PANK2: variants seen among roughly 807,000 people sequenced by gnomAD.
The protein encoded by PANK2 is pantothenate kinase 2, also known as pantothenate kinase 2, mitochondrial.
In PANK2, 36 loss-of-function variants were observed where a neutral mutation model predicts 43.1. The ratio of observed to expected loss-of-function variants is 0.84; its 90% confidence interval spans 0.64 to 1.10. The LOEUF is 1.10. Ranked by LOEUF, PANK2 falls within the 50% of genes least tolerant of loss-of-function variation. PANK2 has a pLI of 0.00. For synonymous variants in PANK2, 281 were observed against 238.2 expected (o/e 1.18, Z -1.66); for missense variants, 576 against 593.3 (o/e 0.97, Z 0.30).
In PANK2 at chr20:3,925,360, C is replaced by T. The variant is rs189646888; in HGVS notation, c.*2066C>T. The T allele has an allele frequency of 1.3e-3, 191 of 152,494 alleles. No homozygotes were observed. The East Asian group carries it at 0.034, about 27-fold the overall frequency. The allele number at this position is 152,494 out of a possible 1,614,324, so 9.4% of individuals were successfully genotyped here. A position where few individuals can be genotyped will look rare whatever the true frequency, so the allele number is the denominator to read the frequency against. ...GCAATTCTCCTGCCTTAGCCTCCTG[C>T]GTAGCTGAGACTACAGGCATGTGCC... On this transcript the variant is annotated 3_prime_UTR_variant, in exon 7 of 7. Transcript: ENST00000610179.
At chr20:3,908,605 A>G (rs1227600087) in intron 2 of PANK2, 42 of 269,070 alleles carry the variant, frequency 1.6e-4, no homozygotes, top group African/African-American at 2.2e-5. Flanking sequence ...AATATAATTA[A>G]AATCATTTCA....
chr20:3,910,667 T>A lies in PANK2; in HGVS notation c.742T>A (p.Ser248Thr). The change falls in exon 3 of 7, where the codon TCA becomes ACA. Residue 248 changes from serine to threonine, a missense_variant. Transcript: ENST00000610179. Reference sequence around the variant, plus strand: ...TGACTCAGTCGGATTCAATGGACGGTCACAGTGCTATTACTTTGAAAACCC... The same window carrying A: ...TGACTCAGTCGGATTCAATGGACGGACACAGTGCTATTACTTTGAAAACCC... The A allele has an allele frequency of 6.2e-7, 1 of 1,614,192 alleles. No individual in the cohort carries two copies. Among genetic ancestry groups the A allele is most frequent in the Non-Finnish European group, 8.5e-7 (1 of 1,180,030 alleles).
At chr20:3,916,839 T>C in intron 4 of PANK2, 88 bp from the exon 5 acceptor site, 1 of 1,568,990 alleles carries the variant, frequency 6.4e-7, no homozygotes, top group Non-Finnish European at 8.7e-7. Flanking sequence ...CCCTAAAAGC[T>C]AATTTTATTT....
chr20:3,891,169 C>T (rs1899865193), intron 1 of PANK2: 1 of 152,206 alleles, frequency 6.6e-6, no homozygotes, highest in African/African-American at 2.4e-5. Flanking sequence ...CCTGCTTCAA[C>T]CTCCTGCATT....
intron 1 of PANK2, among the ~76,000 whole-genome samples, chr20:3,906,713 T>C (rs1430426361): frequency 6.6e-6 from 1 of 152,228 alleles, no homozygotes; most frequent in Non-Finnish European, 1.5e-5. Flanking sequence ...TATTGCACCA[T>C]TGTAAATTTG....
chr20:3,902,972 G>GACACACAC (rs11468265), intron 1 of PANK2, among the ~76,000 whole-genome samples: 272 of 141,428 alleles, frequency 1.9e-3, no homozygotes, highest in Middle Eastern at 0.01. Flanking sequence ...GATGTGTATA[G>GACACACAC]ACACACACAC....
intron 1 of PANK2, among the ~76,000 whole-genome samples, 187 bp from the exon 2 acceptor site, chr20:3,907,739 C>T (rs967753490): frequency 5.3e-5 from 8 of 151,866 alleles, no homozygotes; most frequent in East Asian, 3.9e-4. Flanking sequence ...TCGTCTTTGC[C>T]GTAGTATTTT....
At chr20:3,892,814 C>T (rs188343278) in intron 1 of PANK2, among the ~76,000 whole-genome samples, 1 of 152,020 alleles carries the variant, frequency 6.6e-6, no homozygotes, top group African/African-American at 2.4e-5. Flanking sequence ...TAGTCGTGTT[C>T]TGTCACGCGT....
chr20:3,896,556 A>T (rs1000915888), intron 1 of PANK2, among the ~76,000 whole-genome samples: 1 of 152,180 alleles, frequency 6.6e-6, no homozygotes, highest in Admixed American at 6.5e-5. Context: ...TGGAAAGAAC[A>T]AGACAGGATT....
At chr20:3,900,633 T>C (rs1441175515) in intron 1 of PANK2, among the ~76,000 whole-genome samples, 1 of 152,038 alleles carries the variant, frequency 6.6e-6, no homozygotes. Flanking sequence ...CATCAACATA[T>C]ACTTGAATTT....
intron 1 of PANK2, among the ~76,000 whole-genome samples, chr20:3,903,270 C>T (rs1320497428): frequency 6.6e-6 from 1 of 151,530 alleles, no homozygotes; most frequent in Admixed American, 6.6e-5. Flanking sequence ...GCTTCAGCCT[C>T]CCGAGTAGCT....
chr20:3,910,843 T>TA lies in PANK2; in HGVS notation c.905+17dup. On this transcript the variant is annotated intron_variant, in intron 3 of 6. Coordinates refer to ENST00000610179, the MANE Select transcript of PANK2 (RefSeq NM_001386393.1). Reference sequence around the variant, plus strand: ...TCACAGGTACTAGGTAAGTTGTATATAAAACTCACTGTTTATTCTTAGTAT... The same window carrying TA: ...TCACAGGTACTAGGTAAGTTGTATATAAAAACTCACTGTTTATTCTTAGTAT... The TA allele has an allele frequency of 3.1e-6, 5 of 1,613,968 alleles. No homozygotes were observed. The highest frequency in any genetic ancestry group is 4.2e-6 in the Non-Finnish European group (5 of 1,179,880).
At position 3,927,733 on chromosome 20, in the gene PANK2, G is replaced by A. The variant is rs2090745050; in HGVS notation, c.*4439G>A. On this transcript the variant is annotated 3_prime_UTR_variant, in exon 7 of 7. Coordinates refer to ENST00000610179, the MANE Select transcript of PANK2 (RefSeq NM_001386393.1). ...CCCGACCGGGGGCCTGGGAGGGAAG[G>A]GCAGATGGAGAGGAACGGTGTGCAG... The A allele has an allele frequency of 6.6e-6, 1 of 152,258 alleles. No homozygotes were observed. Among genetic ancestry groups the A allele is most frequent in the Non-Finnish European group, 1.5e-5 (1 of 68,082 alleles). 9.4% of individuals were successfully genotyped at this position (152,258 alleles called of 1,614,324 possible). A position where few individuals can be genotyped will look rare whatever the true frequency, so the allele number is the denominator to read the frequency against.
chr20:3,896,959 A>AT (rs1342490290), intron 1 of PANK2, among the ~76,000 whole-genome samples: 1 of 152,202 alleles, frequency 6.6e-6, no homozygotes, highest in African/African-American at 2.4e-5. Flanking sequence ...GGAGGCCCAG[A>AT]TTGGCAACTG....
At chr20:3,910,515 A>G in intron 2 of PANK2, 62 bp from the exon 3 acceptor site, 1 of 1,588,684 alleles carries the variant, frequency 6.3e-7, no homozygotes, top group Non-Finnish European at 8.6e-7. Flanking sequence ...TGCCTTATTG[A>G]ATGGAATTTT....
intron 6 of PANK2, 49 bp from the exon 7 acceptor site, chr20:3,923,195 G>A: frequency 6.3e-7 from 1 of 1,594,982 alleles, no homozygotes; most frequent in Non-Finnish European, 8.6e-7. Context: ...AAGGTGATTT[G>A]AATAAGTCTA....
rs191456158 is a variant in PANK2, at chr20:3,911,082, T to C, written c.905+252T>C. On this transcript the variant is annotated intron_variant, in intron 3 of 6. Coordinates refer to ENST00000610179, the MANE Select transcript of PANK2 (RefSeq NM_001386393.1). The stretch of plus-strand genomic sequence containing the variant: ...ACTCATTGTAGCCTTTGCCCTCAGA[T>C]AGTTTATGGTGTGCATACACAAAGT... Among the ~76,000 whole-genome samples, 6 of 152,318 alleles carry C rather than the reference T, an allele frequency of 3.9e-5. No homozygotes were observed. The highest frequency in any genetic ancestry group is 2.6e-4 in the Admixed American group (4 of 15,290).
At chr20:3,913,800 T>A (rs867331422) in intron 4 of PANK2, among the ~76,000 whole-genome samples, 4,692 of 139,282 alleles carry the variant, frequency 0.034, 263 homozygotes, top group African/African-American at 0.12. Context: ...ATTTTTTTTT[T>A]TTTTTTGAGA....
chr20:3,916,542 G>A (rs991605524), intron 4 of PANK2, among the ~76,000 whole-genome samples: 1 of 152,212 alleles, frequency 6.6e-6, no homozygotes, highest in Non-Finnish European at 1.5e-5. Flanking sequence ...TTTACCAGAT[G>A]TGCATGTGGC....
Sources: allele counts gnomAD v4.1 joint callset (sites outside exome capture counted in the v4.1 genomes callset), GRCh38; gene constraint gnomAD v4.1.1; transcripts MANE v1.5; gene names NCBI Gene and HGNC (gene_info 2026-07-23, HGNC 2026-07-21).